The following SH3GL2 variants were observed in gnomAD, a reference collection of about 807,000 sequenced individuals.
The protein encoded by SH3GL2 is SH3 domain containing GRB2 like 2, endophilin A1, also known as endophilin-A1.
A neutral mutation model predicts 46.0 loss-of-function variants in SH3GL2; 24 were observed. That is an observed-to-expected ratio of 0.52 (90% CI 0.38 to 0.73). SH3GL2 has a LOEUF of 0.73. Among genes scored for constraint, SH3GL2 ranks in the 30% least tolerant of loss-of-function variants. The pLI, the probability that SH3GL2 is intolerant of heterozygous loss-of-function variation, is 0.00. For synonymous variants in SH3GL2, 196 were observed against 147.1 expected (o/e 1.33, Z -2.40); for missense variants, 413 against 424.2 (o/e 0.97, Z 0.23).
At chr9:17,781,879 G>A (rs1485045891) in intron 3 of SH3GL2, among the ~76,000 whole-genome samples, 2 of 151,810 alleles carry the variant, frequency 1.3e-5, no homozygotes, top group African/African-American at 4.8e-5. Context: ...ATTTGTTACT[G>A]TGTCTTCTGC....
At chr9:17,722,539 ATTATAC>A (rs1299992395) in intron 1 of SH3GL2, among the ~76,000 whole-genome samples, 1 of 151,662 alleles carries the variant, frequency 6.6e-6, no homozygotes, top group Non-Finnish European at 1.5e-5. Context: ...TTTTATCATT[ATTATAC>A]TTTAAGTTTT....
At chr9:17,742,332 A>G (rs1337813385) in intron 1 of SH3GL2, among the ~76,000 whole-genome samples, 2 of 152,128 alleles carry the variant, frequency 1.3e-5, no homozygotes, top group Non-Finnish European at 2.9e-5. Context: ...GCAGGACAAC[A>G]TCCTTTGGGC....
At chr9:17,622,586 A>T (rs1001691265) in intron 1 of SH3GL2, among the ~76,000 whole-genome samples, 2 of 152,166 alleles carry the variant, frequency 1.3e-5, no homozygotes, top group Non-Finnish European at 2.9e-5. Context: ...TACCTCTACA[A>T]AGACCAAAAA....
intron 1 of SH3GL2, among the ~76,000 whole-genome samples, chr9:17,692,145 A>G (rs991571191): frequency 4.6e-5 from 7 of 152,162 alleles, no homozygotes; most frequent in African/African-American, 1.7e-4. Flanking sequence ...TGGTACATCT[A>G]TATAGTGGAA....
At chr9:17,610,727 A>T (rs911307407) in intron 1 of SH3GL2, among the ~76,000 whole-genome samples, 2 of 100,240 alleles carry the variant, frequency 2.0e-5, no homozygotes, top group African/African-American at 5.7e-5. Context: ...AAGTTTTCTA[A>T]AGTTTTTTTT....
chr9:17,668,074 A>T (rs1421495124), intron 1 of SH3GL2, among the ~76,000 whole-genome samples: 1 of 152,146 alleles, frequency 6.6e-6, no homozygotes, highest in Admixed American at 6.6e-5. Flanking sequence ...ATTTTCTCCC[A>T]TTCTATGGGT....
chr9:17,744,578 G>C (rs1822627059), intron 1 of SH3GL2, among the ~76,000 whole-genome samples: 1 of 152,002 alleles, frequency 6.6e-6, no homozygotes, highest in South Asian at 2.1e-4. Flanking sequence ...CGTTGCCCAG[G>C]CTGGTCTCGG....
chr9:17,629,178 T>C (rs1288111786), intron 1 of SH3GL2, among the ~76,000 whole-genome samples: 2 of 152,186 alleles, frequency 1.3e-5, no homozygotes, highest in African/African-American at 2.4e-5. Flanking sequence ...AAGTGTGTGA[T>C]CTGGATTAGT....
At chr9:17,602,740 C>T (rs531739600) in intron 1 of SH3GL2, among the ~76,000 whole-genome samples, 1 of 152,228 alleles carries the variant, frequency 6.6e-6, no homozygotes, top group South Asian at 2.1e-4. Flanking sequence ...AGGTAGGAAA[C>T]ATGCACCAAA....
intron 1 of SH3GL2, among the ~76,000 whole-genome samples, chr9:17,721,193 C>T (rs887928886): frequency 6.6e-6 from 1 of 151,982 alleles, no homozygotes; most frequent in Admixed American, 6.6e-5. Flanking sequence ...AGTGGACCCA[C>T]CCACTCCAAT....
chr9:17,595,302 A>G (rs146579690), intron 1 of SH3GL2, among the ~76,000 whole-genome samples: 1 of 152,342 alleles, frequency 6.6e-6, no homozygotes, highest in African/African-American at 2.4e-5. Flanking sequence ...TAGAAAAATA[A>G]GACAACAATA....
At chr9:17,603,991 A>G (rs1249367495) in intron 1 of SH3GL2, among the ~76,000 whole-genome samples, 1 of 152,210 alleles carries the variant, frequency 6.6e-6, no homozygotes, top group Non-Finnish European at 1.5e-5. Context: ...TAAAAAATAG[A>G]AAAAAGGGTG....
At position 17,796,561 on chromosome 9, in the gene SH3GL2, A is replaced by G. The variant is rs992006122; in HGVS notation, c.*818A>G. The G allele has an allele frequency of 3.3e-5, 5 of 152,142 alleles. No homozygotes were observed. The highest frequency in any genetic ancestry group is 1.3e-4 in the Admixed American group (2 of 15,286). The allele number at this position is 152,142 out of a possible 1,614,324, so 9.4% of individuals were successfully genotyped here. ...TTCTGAAGGGCACAGGGAAGGGGGA[A>G]CAAATATCTTCACTTCAGTTTTATT... On this transcript the variant is annotated 3_prime_UTR_variant, in exon 9 of 9. Coordinates refer to ENST00000380607, the MANE Select transcript of SH3GL2 (RefSeq NM_003026.5).
intron 2 of SH3GL2, among the ~76,000 whole-genome samples, chr9:17,757,941 G>A (rs1823047812): frequency 6.6e-6 from 1 of 152,158 alleles, no homozygotes; most frequent in African/African-American, 2.4e-5. Context: ...GTCTCTGGCT[G>A]ACACAGTGTA....
intron 3 of SH3GL2, among the ~76,000 whole-genome samples, chr9:17,764,702 A>T (rs973171270): frequency 9.3e-5 from 9 of 97,240 alleles, no homozygotes; most frequent in East Asian, 6.8e-4. Context: ...CATCTTGGGT[A>T]CATGGACAGG....
chr9:17,634,911 T>C (rs528756257), intron 1 of SH3GL2, among the ~76,000 whole-genome samples: 2 of 152,310 alleles, frequency 1.3e-5, no homozygotes, highest in African/African-American at 4.8e-5. Flanking sequence ...TGGAAACTTC[T>C]GTGGGGAAGC....
intron 1 of SH3GL2, among the ~76,000 whole-genome samples, chr9:17,716,881 T>C (rs1821774502): frequency 6.6e-6 from 1 of 152,098 alleles, no homozygotes; most frequent in Non-Finnish European, 1.5e-5. Context: ...GGGATCTCTG[T>C]CTTTCATTTC....
In SH3GL2 at chr9:17,676,928, TCTATG is replaced by T. The variant is rs1464562406; in HGVS notation, c.46-70137_46-70133del. Among the ~76,000 whole-genome samples, 3 of 152,178 alleles carry T rather than the reference TCTATG, an allele frequency of 2.0e-5. 1 individual carries two copies. The highest frequency in any genetic ancestry group is 4.4e-5 in the Non-Finnish European group (3 of 68,034). ...TCTACCCTCTTATTGGGGTGTCTGC[TCTATG>T]TGCCAAATATGCCATAAATTCCTTC... On this transcript the variant is annotated intron_variant, in intron 1 of 8. Coordinates refer to ENST00000380607, the MANE Select transcript of SH3GL2 (RefSeq NM_003026.5).
At chr9:17,682,958 C>T (rs1412494138) in intron 1 of SH3GL2, among the ~76,000 whole-genome samples, 1 of 152,038 alleles carries the variant, frequency 6.6e-6, no homozygotes, top group East Asian at 1.9e-4. Context: ...AGAGTGTTGC[C>T]TTCATGCTTA....
Sources: allele counts gnomAD v4.1 joint callset (sites outside exome capture counted in the v4.1 genomes callset), GRCh38; gene constraint gnomAD v4.1.1; transcripts MANE v1.5; gene names NCBI Gene and HGNC (gene_info 2026-07-23, HGNC 2026-07-21).